TMEM120A: variants seen among roughly 807,000 people sequenced by gnomAD.
TMEM120A encodes ion channel TACAN.
TMEM120A carries 45 observed loss-of-function variants against 54.3 expected under a neutral mutation model. That is an observed-to-expected ratio of 0.83 (90% CI 0.65 to 1.06). The LOEUF is 1.06. Among genes scored for constraint, TMEM120A ranks in the 50% least tolerant of loss-of-function variants. TMEM120A has a pLI of 0.00. For synonymous variants in TMEM120A, 204 were observed against 178.5 expected (o/e 1.14, Z -1.14); for missense variants, 424 against 441.7 (o/e 0.96, Z 0.36).
In TMEM120A at chr7:75,992,383, C is replaced by T. The variant is rs782492914; in HGVS notation, c.200+56G>A. The T allele has an allele frequency of 3.0e-4, 465 of 1,567,408 alleles. 4 individuals carry two copies. The highest frequency in any genetic ancestry group is 1.1e-4 in the Non-Finnish European group (130 of 1,149,884). On this transcript the variant is annotated intron_variant, in intron 2 of 11. Coordinates refer to ENST00000493111, the MANE Select transcript of TMEM120A (RefSeq NM_031925.3). ...AGGGGCGGTGCCCAGGGTCTCACAGCGCCAGCCCTCCCACCCCACACTCTG... is the reference window on the plus strand; with the variant it reads ...AGGGGCGGTGCCCAGGGTCTCACAGTGCCAGCCCTCCCACCCCACACTCTG...
At chr7:75,992,604 G>A (rs868972110) in intron 1 of TMEM120A, 47 bp from the exon 2 acceptor site, 1 of 1,413,578 alleles carries the variant, frequency 7.1e-7, no homozygotes, top group East Asian at 2.5e-5. Context: ...GAGCTACTGA[G>A]CCAGAGCCTG....
Position 75,988,453 on chromosome 7 carries a change from G to A in TMEM120A, c.441C>T (p.Ile147=), listed in dbSNP as rs1789647468. ...KLYLTIILIL[I]SFTCRFLLNS... ...TGAGCAGGAAGCGGCAAGTGAAGGA[G>A]ATGAGGATGAGGATGATGGTGAGGT... Residue 147 remains isoleucine, a synonymous_variant, in exon 5 of 12, where the codon ATC becomes ATT. Coordinates refer to ENST00000493111, the MANE Select transcript of TMEM120A (RefSeq NM_031925.3). 6.2e-7 allele frequency: 1 copy of A among 1,610,880 alleles called. No homozygotes were observed. The highest frequency in any genetic ancestry group is 1.3e-5 in the African/African-American group (1 of 74,338).
chr7:75,987,488 G>A, intron 10 of TMEM120A, 50 bp downstream of exon 10: 1 of 1,482,220 alleles, frequency 6.7e-7, no homozygotes, highest in Non-Finnish European at 8.9e-7. Flanking sequence ...CCCGAAACCG[G>A]CGCAGAGGAC....
intron 11 of TMEM120A, 25 bp downstream of exon 11, chr7:75,987,335 A>G (rs1554560018): frequency 1.1e-5 from 17 of 1,564,316 alleles, no homozygotes; most frequent in African/African-American, 4.1e-5. Context: ...CCCCCCATCC[A>G]TCCTGTCCAG....
chr7:75,993,215 C>T (rs1260783500), intron 1 of TMEM120A, among the ~76,000 whole-genome samples: 1 of 152,242 alleles, frequency 6.6e-6, no homozygotes, highest in Non-Finnish European at 1.5e-5. Context: ...CTGGACCAAG[C>T]AGGCAGCCCA....
rs369854709 is a variant in TMEM120A, at chr7:75,990,005, AG to A, written c.318-782del. On this transcript the variant is annotated intron_variant, in intron 3 of 11. Transcript: ENST00000493111. ...ACACATGGGCTCTTGTTCACACTCA[AG>A]CCAAACAGACAGAGGCTCAGCATGG... is the stretch of plus-strand genomic sequence containing the variant. Among the ~76,000 whole-genome samples, 19 of 152,266 alleles carry A rather than the reference AG, an allele frequency of 1.2e-4. No individual in the cohort carries two copies. In the East Asian group the frequency reaches 2.1e-3, roughly 17 times the overall value.
At chr7:75,993,678 C>G (rs538214551) in intron 1 of TMEM120A, among the ~76,000 whole-genome samples, 1 of 152,336 alleles carries the variant, frequency 6.6e-6, no homozygotes, top group Non-Finnish European at 1.5e-5. Context: ...CTGGCCAGGG[C>G]TCTACTCTGT....
intron 1 of TMEM120A, 30 bp downstream of exon 1, chr7:75,994,460 G>A (rs1554562703): frequency 5.8e-6 from 9 of 1,546,542 alleles, no homozygotes; most frequent in Non-Finnish European, 4.4e-6. Flanking sequence ...CGCGGCTCGG[G>A]GGCGACCCGG....
chr7:75,989,319 C>G, intron 3 of TMEM120A, 95 bp from the exon 4 acceptor site: 3 of 828,070 alleles, frequency 3.6e-6, no homozygotes, highest in Non-Finnish European at 6.1e-6. Context: ...TGGGCCACCA[C>G]CCCACCCCCT....
At position 75,987,598 on chromosome 7, in the gene TMEM120A, G is replaced by A. The variant is rs1789579212; in HGVS notation, c.789C>T (p.Gly263=). Residue 263 remains glycine, a synonymous_variant, in exon 10 of 12, where the codon GGC becomes GGT. Transcript: ENST00000493111. ...GGCCCCGCCACATCCAGGACTGGAAGCCCTCTGCGGGGAGGAAGGTCAGGG... is the reference window on the plus strand; with the variant it reads ...GGCCCCGCCACATCCAGGACTGGAAACCCTCTGCGGGGAGGAAGGTCAGGG... ...ERHTMDLTVE[G]FQSWMWRGLT... The A allele has an allele frequency of 1.2e-6, 2 of 1,608,544 alleles. No homozygotes were observed. Among genetic ancestry groups the A allele is most frequent in the Non-Finnish European group, 1.7e-6 (2 of 1,178,088 alleles).
At chr7:75,992,582 A>T in intron 1 of TMEM120A, 25 bp from the exon 2 acceptor site, 1 of 1,523,002 alleles carries the variant, frequency 6.6e-7, no homozygotes, top group Non-Finnish European at 8.9e-7. Flanking sequence ...GGAGAGGCTC[A>T]GGCCAGTTGG....
intron 1 of TMEM120A, among the ~76,000 whole-genome samples, chr7:75,993,964 C>T (rs1467756602): frequency 6.8e-5 from 10 of 147,946 alleles, no homozygotes; most frequent in African/African-American, 2.5e-4. Context: ...CCCTCCCACC[C>T]GTCCCACCCC....
In TMEM120A at chr7:75,988,159, G is replaced by A. The variant is rs782122031; in HGVS notation, c.564-11C>T. 3 of 1,610,916 alleles carry A rather than the reference G, an allele frequency of 1.9e-6. No homozygotes were observed. Among genetic ancestry groups the A allele is most frequent in the East Asian group, 2.2e-5 (1 of 44,786 alleles). The stretch of plus-strand genomic sequence containing the variant: ...CACCAGCCTTTGATCCTGGAGCAGA[G>A]AGCCACCATCACCCCCAGCGCCTGT... On this transcript the variant is annotated splice_polypyrimidine_tract_variant and intron_variant, in intron 6 of 11. Transcript: ENST00000493111.
chr7:75,992,249 G>T lies in TMEM120A; in HGVS notation c.212C>A (p.Ser71Tyr), dbSNP rs371384423. The change falls in exon 3 of 12, where the codon TCC becomes TAC. Residue 71 changes from serine to tyrosine, a missense_variant. Physicochemically the swap from Ser to Tyr is moderately radical, Grantham distance 144. Coordinates refer to ENST00000493111, the MANE Select transcript of TMEM120A (RefSeq NM_031925.3). ...GGCCCCCTCGGCCTCTGCTGGGAGG[G>T]AGGGTTTGCATCTGCGGGTAAGGCC... ...LALALKKCKP[S>Y]LPAEAEGAAQ... The T allele has an allele frequency of 1.2e-6, 2 of 1,608,926 alleles. No individual in the cohort carries two copies. Among genetic ancestry groups the T allele is most frequent in the Non-Finnish European group, 1.7e-6 (2 of 1,177,500 alleles).
rs75685429 is a variant in TMEM120A at position 75,994,422 on chromosome 7, C to T, written c.81+68G>A. On this transcript the variant is annotated intron_variant, in intron 1 of 11. Coordinates refer to ENST00000493111, the MANE Select transcript of TMEM120A (RefSeq NM_031925.3). ...CTCCCCACTGCCTGACCCAGGGCTG[C>T]CCGACCCTTGACCCTGAGCCAGCGA... 12,514 of 1,443,108 alleles carry T rather than the reference C, an allele frequency of 8.7e-3. 540 individuals carry two copies. The East Asian group carries it at 0.14, about 16-fold the overall frequency. The allele number at this position is 1,443,108 out of a possible 1,614,324, so 89.4% of individuals were successfully genotyped here.
intron 3 of TMEM120A, among the ~76,000 whole-genome samples, chr7:75,989,783 C>T (rs1789765438): frequency 6.6e-6 from 1 of 152,040 alleles, no homozygotes; most frequent in Admixed American, 6.6e-5. Flanking sequence ...TCACCGAGGC[C>T]CCCACGCTCT....
intron 1 of TMEM120A, 32 bp downstream of exon 1, chr7:75,994,457 CG>C (rs782468252): frequency 5.5e-5 from 85 of 1,543,420 alleles, no homozygotes; most frequent in Non-Finnish European, 7.4e-5. Flanking sequence ...AGACGCGGCT[CG>C]GGGGCGACCC....
At position 75,987,052 on chromosome 7, in the gene TMEM120A, A is replaced by G. The variant is rs1350969462; in HGVS notation, c.*120T>C. ...TTCCTTCAGGGCCCACAGCGCCCAT[A>G]AAACCCAAGGGAGAATAGAAGAGAC... On this transcript the variant is annotated 3_prime_UTR_variant, in exon 12 of 12. Transcript: ENST00000493111. 2.3e-6 allele frequency: 2 copies of G among 869,902 alleles called. No homozygotes were observed. The highest frequency in any genetic ancestry group is 2.5e-5 in the Admixed American group (1 of 39,700). 53.9% of individuals were successfully genotyped at this position (869,902 alleles called of 1,614,324 possible). A position where few individuals can be genotyped will look rare whatever the true frequency, so the allele number is the denominator to read the frequency against.
Position 75,990,444 on chromosome 7 carries a change from G to A in TMEM120A, c.318-1220C>T, listed in dbSNP as rs112265454. Among the ~76,000 whole-genome samples the A allele has an allele frequency of 1.0e-3, 156 of 152,102 alleles. 2 individuals carry two copies. Among genetic ancestry groups the A allele is most frequent in the Admixed American group, 3.0e-3 (46 of 15,272 alleles). On this transcript the variant is annotated intron_variant, in intron 3 of 11. Transcript: ENST00000493111. The stretch of plus-strand genomic sequence containing the variant: ...CCTTCTCCTGGGTCTTTCCCCTCTC[G>A]GCCCCTCTTCTCAGCAGGTGGATGT...
Sources: allele counts gnomAD v4.1 joint callset (sites outside exome capture counted in the v4.1 genomes callset), GRCh38; gene constraint gnomAD v4.1.1; transcripts MANE v1.5; gene names NCBI Gene and HGNC (gene_info 2026-07-23, HGNC 2026-07-21).